Variants in BIRC6 observed in about 807,000 individuals in gnomAD.
BIRC6 encodes baculoviral IAP repeat containing 6, also known as dual E2 ubiquitin-conjugating enzyme/E3 ubiquitin-protein ligase BIRC6.
Under a neutral mutation model 503.3 loss-of-function variants are expected in BIRC6, and 98 were observed. That is an observed-to-expected ratio of 0.19 (90% CI 0.17 to 0.23). BIRC6 has a LOEUF of 0.23. Among genes scored for constraint, BIRC6 ranks in the 10% least tolerant of loss-of-function variants. The pLI, the probability that BIRC6 is intolerant of heterozygous loss-of-function variation, is 1.00. For synonymous variants in BIRC6, 2,240 were observed against 2,078.7 expected (o/e 1.08, Z -2.11); for missense variants, 5,360 against 5,806.0 (o/e 0.92, Z 2.50).
At chr2:32,420,709 A>G (rs780638283) in intron 10 of BIRC6, among the ~76,000 whole-genome samples, 39 of 151,846 alleles carry the variant, frequency 2.6e-4, no homozygotes, top group Admixed American at 2.0e-3. Context: ...ATGAGGTTTT[A>G]CTCTGTTGGC....
chr2:32,589,957 A>T (rs1337864673), intron 66 of BIRC6, among the ~76,000 whole-genome samples: 1 of 152,164 alleles, frequency 6.6e-6, no homozygotes, highest in African/African-American at 2.4e-5. Flanking sequence ...TTCTTTCAAC[A>T]TTCATTTAAA....
intron 4 of BIRC6, 65 bp downstream of exon 4, chr2:32,389,008 A>G (rs1387228876): frequency 1.9e-6 from 2 of 1,056,374 alleles, no homozygotes; most frequent in African/African-American, 1.7e-5. Flanking sequence ...TTAAACAAGG[A>G]ATAACTAGAA....
Position 32,531,379 on chromosome 2 carries a change from G to C in BIRC6, c.12119G>C (p.Cys4040Ser). 6.2e-7 allele frequency: 1 copy of C among 1,613,024 alleles called. No homozygotes were observed. The highest frequency in any genetic ancestry group is 1.3e-5 in the African/African-American group (1 of 74,994). The change falls in exon 61 of 74, where the codon TGT (cysteine) becomes TCT (serine). Residue 4040 changes from cysteine (C) to serine (S), a missense_variant. By Grantham distance (112) the Cys-to-Ser change is moderately radical. Coordinates refer to ENST00000421745, the MANE Select transcript of BIRC6 (RefSeq NM_016252.4). ...GATCATGGAGACTTACTTGCTAGCT[G>C]TCCAGAAGATGAGGCTCTCACTCCA... ...EKDHGDLLAS[C>S]PEDEALTPGD...
chr2:32,452,335 A>T (rs1193258190), intron 22 of BIRC6, among the ~76,000 whole-genome samples: 1 of 152,136 alleles, frequency 6.6e-6, no homozygotes, highest in African/African-American at 2.4e-5. Flanking sequence ...GTTATTTTTC[A>T]TCAAATTATG....
intron 8 of BIRC6, among the ~76,000 whole-genome samples, 170 bp downstream of exon 8, chr2:32,401,793 C>A (rs1294130539): frequency 6.6e-6 from 1 of 152,142 alleles, no homozygotes; most frequent in East Asian, 1.9e-4. Context: ...GAAGAAAAAT[C>A]TTCATTCAGA....
chr2:32,370,578 G>A (rs1369645338), intron 1 of BIRC6, among the ~76,000 whole-genome samples: 1 of 151,936 alleles, frequency 6.6e-6, no homozygotes, highest in African/African-American at 2.4e-5. Flanking sequence ...TACTCATTTT[G>A]GCTTTTAATA....
At chr2:32,508,709 A>T (rs753023071) in intron 51 of BIRC6, among the ~76,000 whole-genome samples, 22 of 152,106 alleles carry the variant, frequency 1.4e-4, no homozygotes, top group Non-Finnish European at 2.5e-4. Flanking sequence ...ACCCAAATAT[A>T]TTTTTTAATC....
Position 32,558,676 on chromosome 2 carries a change from G to A in BIRC6, c.13144+9195G>A, listed in dbSNP as rs1308012855. 9 of 152,324 alleles carry A rather than the reference G, an allele frequency of 5.9e-5. No homozygotes were observed. The South Asian group carries it at 1.9e-3, about 32-fold the overall frequency. The allele number at this position is 152,324 out of a possible 1,614,324, so 9.4% of individuals were successfully genotyped here. A position where few individuals can be genotyped will look rare whatever the true frequency, so the allele number is the denominator to read the frequency against. The stretch of plus-strand genomic sequence containing the variant: ...TACCCTACATTGCATCAGGAGTAAA[G>A]TGTTATCAGATATGTTGCTTTAGTC... On this transcript the variant is annotated intron_variant, in intron 65 of 73. Coordinates refer to ENST00000421745, the MANE Select transcript of BIRC6 (RefSeq NM_016252.4).
chr2:32,426,635 A>G (rs1420944640), intron 10 of BIRC6, among the ~76,000 whole-genome samples: 3 of 152,346 alleles, frequency 2.0e-5, no homozygotes, highest in Non-Finnish European at 4.4e-5. Context: ...CCAACAAAAC[A>G]TGTTACAATT....
intron 22 of BIRC6, among the ~76,000 whole-genome samples, chr2:32,450,011 G>A (rs766521418): frequency 2.6e-5 from 4 of 152,116 alleles, no homozygotes; most frequent in Admixed American, 1.3e-4. Context: ...ATTTATGATT[G>A]GAACTAGTAG....
chr2:32,503,674 G>A (rs949739713), intron 49 of BIRC6, among the ~76,000 whole-genome samples: 3 of 151,752 alleles, frequency 2.0e-5, no homozygotes, highest in Non-Finnish European at 2.9e-5. Flanking sequence ...CACCTGCCTC[G>A]GCCTCCCAAA....
At chr2:32,577,431 T>C (rs1248813311) in intron 66 of BIRC6, among the ~76,000 whole-genome samples, 1 of 152,212 alleles carries the variant, frequency 6.6e-6, no homozygotes, top group Non-Finnish European at 1.5e-5. Flanking sequence ...TGATTTGGAA[T>C]GTTGTTTTAG....
chr2:32,477,884 A>G (rs2049945861), intron 35 of BIRC6, among the ~76,000 whole-genome samples: 2 of 152,134 alleles, frequency 1.3e-5, no homozygotes, highest in South Asian at 4.1e-4. Context: ...AAGATGAAAA[A>G]AATTCTTTTC....
At position 32,482,566 on chromosome 2, in the gene BIRC6, C is replaced by T. The variant is rs564249634; in HGVS notation, c.7680C>T (p.Ser2560=). ...NTEKNGSQTV[S]VSVSQALDAR... is the part of the protein sequence containing the mutation. ...AGAAGAACGGATCACAGACAGTTAG[C>T]GTTTCAGTCTCTCAGGGTAAGTGTA... The change falls in exon 39 of 74, where the codon AGC becomes AGT. Residue 2560 remains serine (S), a synonymous_variant. Coordinates refer to ENST00000421745, the MANE Select transcript of BIRC6 (RefSeq NM_016252.4). 1.9e-5 allele frequency: 30 copies of T among 1,613,850 alleles called. No individual in the cohort carries two copies. The highest frequency in any genetic ancestry group is 8.0e-5 in the African/African-American group (6 of 75,028).
intron 63 of BIRC6, among the ~76,000 whole-genome samples, chr2:32,546,264 A>G (rs938995658): frequency 6.6e-6 from 1 of 152,190 alleles, no homozygotes; most frequent in African/African-American, 2.4e-5. Flanking sequence ...TTATTTCAAT[A>G]TGATTTAATT....
intron 32 of BIRC6, chr2:32,472,889 A>G (rs1558825989): frequency 2.7e-6 from 1 of 365,448 alleles, no homozygotes; most frequent in Non-Finnish European, 4.9e-6. Context: ...AGACAGAGGG[A>G]ACTCTGGTTT....
intron 61 of BIRC6, among the ~76,000 whole-genome samples, chr2:32,540,110 A>G (rs552088465): frequency 1.6e-4 from 25 of 152,250 alleles, no homozygotes; most frequent in African/African-American, 5.8e-4. Flanking sequence ...TTGTATGTAT[A>G]CACTTATGCA....
At position 32,473,706 on chromosome 2, in the gene BIRC6, CGTGTGTGTGTGTGTGTGTGT is replaced by C. The variant is rs70938348; in HGVS notation, c.6720+492_6720+511del. The stretch of plus-strand genomic sequence containing the variant: ...TTTCCATGTCTTTTTTCTCCTTTTT[CGTGTGTGTGTGTGTGTGTGT>C]GTGTGTGTGTGTGTGTGTGTGTGTA... On this transcript the variant is annotated intron_variant, in intron 33 of 73. Transcript: ENST00000421745. Among the ~76,000 whole-genome samples, 27 of 72,688 alleles carry C rather than the reference CGTGTGTGTGTGTGTGTGTGT, an allele frequency of 3.7e-4. 1 individual carries two copies. The highest frequency in any genetic ancestry group is 9.4e-4 in the African/African-American group (17 of 18,084). The allele number at this position is 72,688 out of a possible 152,430, so 47.7% of individuals were successfully genotyped here.
At chr2:32,524,860 G>T in intron 57 of BIRC6, 28 bp from the exon 58 acceptor site, 1 of 1,329,464 alleles carries the variant, frequency 7.5e-7, no homozygotes, top group Non-Finnish European at 1.0e-6. Flanking sequence ...TGGAAAAGCA[G>T]TGTATTTTAG....
Sources: gnomAD v4.1 joint callset for allele counts (sites outside exome capture counted in the v4.1 genomes callset) on GRCh38, gnomAD v4.1.1 for gene constraint, MANE v1.5 for transcripts, NCBI Gene and HGNC (gene_info 2026-07-23, HGNC 2026-07-21) for gene names.